ADAMTS3: variants seen among roughly 807,000 people sequenced by gnomAD.
ADAMTS3 encodes the protein A disintegrin and metalloproteinase with thrombospondin motifs 3.
In ADAMTS3, 73 loss-of-function variants were observed where a neutral mutation model predicts 129.0. The ratio of observed to expected loss-of-function variants is 0.57; its 90% CI spans 0.47 to 0.69. The LOEUF (loss-of-function observed/expected upper bound fraction) is 0.69, where lower values mean the gene tolerates loss of function less well. Ranked by LOEUF, ADAMTS3 falls within the 30% of genes least tolerant of loss-of-function variation. ADAMTS3 has a pLI of 0.00. For missense variants in ADAMTS3, 1,457 were observed against 1,514.5 expected, an observed-to-expected ratio of 0.96 and a Z score of 0.63; for synonymous variants, 477 against 510.8, an observed-to-expected ratio of 0.93 and a Z score of 0.89.
chr4:72,374,883 T>C (rs888832499), intron 4 of ADAMTS3, among the ~76,000 whole-genome samples: 1 of 152,226 alleles, frequency 6.6e-6, no homozygotes, highest in African/African-American at 2.4e-5. Flanking sequence ...TATAAGCAAC[T>C]ACCACCTTTA....
intron 3 of ADAMTS3, among the ~76,000 whole-genome samples, chr4:72,435,785 A>G (rs1453716620): frequency 6.6e-6 from 1 of 152,074 alleles, no homozygotes; most frequent in African/African-American, 2.4e-5. Context: ...TGGTGCTGAG[A>G]AAACTGGCTA....
Position 72,311,168 on chromosome 4 carries a change from G to C in ADAMTS3, c.1935C>G (p.Cys645Trp). 6.2e-7 allele frequency: 1 copy of C among 1,610,222 alleles called. No homozygotes were observed. Among genetic ancestry groups the C allele is most frequent in the South Asian group, 1.1e-5 (1 of 90,522 alleles). Residue 645 changes from cysteine (C) to tryptophan (W), a missense_variant, in exon 14 of 22, where the codon TGC becomes TGG. Transcript: ENST00000286657. ...PYEHPDPKKR[C>W]HLYCQSKETG... ...TCTCCTTGGACTGACAGTAAAGGTGGCATCTTTTCTTGGCTGCATAAGATG... is the reference window on the plus strand; with the variant it reads ...TCTCCTTGGACTGACAGTAAAGGTGCCATCTTTTCTTGGCTGCATAAGATG...
intron 4 of ADAMTS3, among the ~76,000 whole-genome samples, chr4:72,379,323 G>A (rs1258628257): frequency 6.6e-6 from 1 of 151,862 alleles, no homozygotes; most frequent in South Asian, 2.1e-4. Context: ...GGCCACAGGG[G>A]CAAGGCAAAG....
At chr4:72,321,323 C>G (rs1324130924) in intron 6 of ADAMTS3, among the ~76,000 whole-genome samples, 2 of 151,302 alleles carry the variant, frequency 1.3e-5, no homozygotes, top group African/African-American at 2.4e-5. Flanking sequence ...AGGCGCCCAC[C>G]ACCATTCCTG....
chr4:72,376,215 G>A (rs1419682228), intron 4 of ADAMTS3, among the ~76,000 whole-genome samples: 1 of 152,100 alleles, frequency 6.6e-6, no homozygotes, highest in Admixed American at 6.6e-5. Flanking sequence ...TATGAACAAT[G>A]GGGATTTATT....
intron 4 of ADAMTS3, among the ~76,000 whole-genome samples, chr4:72,389,908 TTCTAATGATAAGGAGAGAGA>T (rs2093137700): frequency 2.6e-5 from 2 of 76,716 alleles, no homozygotes; most frequent in South Asian, 6.9e-4. Flanking sequence ...ACTTATATTT[TTCTAATGATAAGGAGAGAGA>T]GAAGGAAAAG....
At chr4:72,307,751 C>T (rs1578568487) in intron 15 of ADAMTS3, among the ~76,000 whole-genome samples, 1 of 152,078 alleles carries the variant, frequency 6.6e-6, no homozygotes, top group Admixed American at 6.6e-5. Context: ...TTTCATTTTC[C>T]AGCAACTTCA....
intron 3 of ADAMTS3, among the ~76,000 whole-genome samples, chr4:72,541,120 G>A (rs751023359): frequency 6.6e-6 from 1 of 152,214 alleles, no homozygotes; most frequent in Non-Finnish European, 1.5e-5. Flanking sequence ...GCTGTACCCT[G>A]CAGAGCCACA....
intron 3 of ADAMTS3, among the ~76,000 whole-genome samples, chr4:72,526,733 C>CATAT (rs36097990): frequency 2.7e-3 from 271 of 98,906 alleles, no homozygotes; most frequent in Non-Finnish European, 3.1e-3. Flanking sequence ...TATATACATA[C>CATAT]ATATATATAT....
chr4:72,367,268 T>C (rs988522814), intron 4 of ADAMTS3, among the ~76,000 whole-genome samples: 1 of 152,178 alleles, frequency 6.6e-6, no homozygotes, highest in African/African-American at 2.4e-5. Flanking sequence ...TAATTTCTTG[T>C]CTTCTACCTT....
rs1029060277 is a variant in ADAMTS3 at position 72,319,457 on chromosome 4, A to G, written c.1227T>C (p.Asp409=). 1.2e-6 allele frequency: 2 copies of G among 1,613,386 alleles called. No individual in the cohort carries two copies. The highest frequency in any genetic ancestry group is 1.3e-5 in the African/African-American group (1 of 75,004). Reference sequence around the variant, plus strand: ...CATCACCACACCTGTTGCCTTGTCCATCATGCTCCATTCCCAACCTAGAAC... The same window carrying G: ...CATCACCACACCTGTTGCCTTGTCCGTCATGCTCCATTCCCAACCTAGAAC... The part of the protein sequence containing the change: ...ETGHVLGMEH[D]GQGNRCGDET... Residue 409 remains aspartate, a synonymous_variant, in exon 9 of 22, where the codon GAT becomes GAC. Transcript: ENST00000286657.
At chr4:72,358,099 G>A (rs558157962) in intron 4 of ADAMTS3, among the ~76,000 whole-genome samples, 160 of 151,970 alleles carry the variant, frequency 1.1e-3, no homozygotes, top group Middle Eastern at 3.4e-3. Flanking sequence ...GGAATGCCTG[G>A]CTAATGTAAG....
chr4:72,521,417 A>G (rs1720668909), intron 3 of ADAMTS3, among the ~76,000 whole-genome samples: 1 of 152,222 alleles, frequency 6.6e-6, no homozygotes, highest in African/African-American at 2.4e-5. Context: ...AAATATTAAT[A>G]TCAGGGATCT....
chr4:72,538,398 G>T (rs1721234362), intron 3 of ADAMTS3, among the ~76,000 whole-genome samples: 1 of 151,858 alleles, frequency 6.6e-6, no homozygotes, highest in Non-Finnish European at 1.5e-5. Context: ...AGAGAGAAGT[G>T]ATTCATCACA....
At chr4:72,535,536 A>C (rs2109770570) in intron 3 of ADAMTS3, among the ~76,000 whole-genome samples, 1 of 152,250 alleles carries the variant, frequency 6.6e-6, no homozygotes, top group South Asian at 2.1e-4. Context: ...CTACATTTTA[A>C]ATTGAGGTTG....
intron 12 of ADAMTS3, among the ~76,000 whole-genome samples, chr4:72,313,197 G>A (rs1263536600): frequency 6.6e-5 from 10 of 152,142 alleles, no homozygotes; most frequent in Non-Finnish European, 1.3e-4. Flanking sequence ...TTCAGTAATT[G>A]TAGTCTGAGT....
At chr4:72,447,926 G>A (rs1718299553) in intron 3 of ADAMTS3, among the ~76,000 whole-genome samples, 1 of 151,636 alleles carries the variant, frequency 6.6e-6, no homozygotes, top group African/African-American at 2.4e-5. Context: ...ACATCATAAT[G>A]CTACTTACAC....
intron 3 of ADAMTS3, among the ~76,000 whole-genome samples, chr4:72,533,451 T>C (rs538787108): frequency 1.3e-5 from 2 of 152,176 alleles, no homozygotes; most frequent in East Asian, 3.9e-4. Context: ...TTTTTTTTTC[T>C]AATAACAGAA....
Position 72,348,211 on chromosome 4 carries a change from G to A in ADAMTS3, c.662-8518C>T, listed in dbSNP as rs559402772. Reference sequence around the variant, plus strand: ...TTACCCTCATAGAACTTACATCCCAGTGATAAGAACTATCAACTAGGGTAA... The same window carrying A: ...TTACCCTCATAGAACTTACATCCCAATGATAAGAACTATCAACTAGGGTAA... On this transcript the variant is annotated intron_variant, in intron 4 of 21. Coordinates refer to ENST00000286657, the MANE Select transcript of ADAMTS3 (RefSeq NM_014243.3). 3.3e-5 allele frequency among the ~76,000 whole-genome samples: 5 copies of A among 152,062 alleles called. No homozygotes were observed. The East Asian group carries it at 7.8e-4, about 24-fold the overall frequency.
Sources: allele counts gnomAD v4.1 joint callset (sites outside exome capture counted in the v4.1 genomes callset), GRCh38; gene constraint gnomAD v4.1.1; transcripts MANE v1.5; gene names NCBI Gene and HGNC (gene_info 2026-07-23, HGNC 2026-07-21).